CHRM2: variants seen among roughly 807,000 people sequenced by gnomAD.
The protein encoded by CHRM2 is cholinergic receptor muscarinic 2.
Under a neutral mutation model 25.0 loss-of-function variants are expected in CHRM2, and 8 were observed. That is an observed-to-expected ratio of 0.32 (90% confidence interval 0.19 to 0.58). The LOEUF (loss-of-function observed/expected upper bound fraction) is 0.58, where lower values mean the gene tolerates loss of function less well. Ranked by LOEUF, CHRM2 falls within the 20% of genes least tolerant of loss-of-function variation. The probability of loss-of-function intolerance (pLI) is 0.88; values close to 1 mark genes in which losing one functional copy is unlikely to be tolerated. For missense variants in CHRM2, 440 were observed against 567.1 expected, an observed-to-expected ratio of 0.78 and a Z score of 2.28; for synonymous variants, 202 against 205.7, an observed-to-expected ratio of 0.98 and a Z score of 0.15.
At chr7:136,908,038 C>T (rs1010633949) in intron 2 of CHRM2, 1 of 151,878 alleles carries the variant, frequency 6.6e-6, no homozygotes, top group Non-Finnish European at 1.5e-5. Flanking sequence ...GTATGACTAT[C>T]AATTTATTGA....
intron 3 of CHRM2, among the ~76,000 whole-genome samples, chr7:136,997,067 C>A (rs182023355): frequency 3.0e-4 from 46 of 152,280 alleles, no homozygotes; most frequent in Non-Finnish European, 5.3e-4. Context: ...CCAAGGACTA[C>A]CAGCTGTACA....
chr7:136,949,609 T>C (rs1005997096), intron 2 of CHRM2, among the ~76,000 whole-genome samples: 14 of 152,016 alleles, frequency 9.2e-5, no homozygotes, highest in African/African-American at 1.7e-4. Flanking sequence ...GCCTGGGTGA[T>C]AGAACAAGAT....
intron 2 of CHRM2, among the ~76,000 whole-genome samples, chr7:136,884,605 T>A (rs1267247578): frequency 6.6e-6 from 1 of 152,046 alleles, no homozygotes; most frequent in Non-Finnish European, 1.5e-5. Flanking sequence ...CATTTCATAG[T>A]CCAGAGAAAT....
intron 2 of CHRM2, among the ~76,000 whole-genome samples, chr7:136,963,241 G>T (rs751257328): frequency 1.3e-5 from 2 of 152,170 alleles, no homozygotes; most frequent in African/African-American, 4.8e-5. Context: ...TAAGACCAGG[G>T]TGCCTGAATG....
intron 2 of CHRM2, among the ~76,000 whole-genome samples, chr7:136,886,980 T>C (rs1200689265): frequency 6.6e-6 from 1 of 152,262 alleles, no homozygotes; most frequent in African/African-American, 2.4e-5. Flanking sequence ...CCACTTCATC[T>C]TTCTGTAAGA....
rs1227972027 is a variant in CHRM2, at chr7:137,016,008, G to A, written c.1143G>A (p.Arg381=). The change falls in exon 4 of 4, where the codon CGG becomes CGA. Residue 381 remains arginine (R), a synonymous_variant. Coordinates refer to ENST00000680005, the MANE Select transcript of CHRM2 (RefSeq NM_001006630.2). ...CAAAAAAGAAGCCTCCTCCTTCCCG[G>A]GAAAAGAAAGTCACCAGGACAATCT... ...QPAKKKPPPS[R]EKKVTRTILA... 6.2e-7 allele frequency: 1 copy of A among 1,613,054 alleles called. No individual in the cohort carries two copies. The highest frequency in any genetic ancestry group is 8.5e-7 in the Non-Finnish European group (1 of 1,179,416).
chr7:136,904,497 C>G (rs565258664), intron 2 of CHRM2, among the ~76,000 whole-genome samples: 13 of 151,756 alleles, frequency 8.6e-5, no homozygotes, highest in Non-Finnish European at 1.3e-4. Context: ...CTTTCTTTTT[C>G]CCAATATTAA....
intron 3 of CHRM2, among the ~76,000 whole-genome samples, chr7:137,006,358 C>A (rs1804425532): frequency 6.6e-6 from 1 of 151,986 alleles, no homozygotes; most frequent in Admixed American, 6.6e-5. Context: ...GCTTTTACAC[C>A]CATTTCCCCC....
intron 3 of CHRM2, among the ~76,000 whole-genome samples, 164 bp downstream of exon 3, chr7:136,992,428 A>G (rs1250756108): frequency 6.6e-6 from 1 of 152,172 alleles, no homozygotes; most frequent in African/African-American, 2.4e-5. Flanking sequence ...TCGTGTTAGG[A>G]TATTTCTATT....
chr7:136,897,573 C>A (rs1796972294), intron 2 of CHRM2, among the ~76,000 whole-genome samples: 1 of 151,812 alleles, frequency 6.6e-6, no homozygotes, highest in South Asian at 2.1e-4. Flanking sequence ...TTATTAATTT[C>A]CCTGCTTCTT....
At chr7:136,938,688 C>CTTCTTTGG in intron 2 of CHRM2, 1 of 771,518 alleles carries the variant, frequency 1.3e-6, no homozygotes, top group Admixed American at 1.9e-5. Context: ...GCCCAGGGGC[C>CTTCTTTGG]AGAGGTGGAC....
chr7:136,889,072 A>T (rs1375632255), intron 2 of CHRM2, among the ~76,000 whole-genome samples: 2 of 147,614 alleles, frequency 1.4e-5, no homozygotes, highest in South Asian at 2.1e-4. Context: ...AAAAAAAAAA[A>T]AGTAATTACC....
In CHRM2 at chr7:137,017,480, C is replaced by T. The variant is rs1423597515; in HGVS notation, c.*1214C>T. The T allele has an allele frequency of 6.6e-6, 1 of 151,940 alleles. No homozygotes were observed. The highest frequency in any genetic ancestry group is 2.1e-4 in the South Asian group (1 of 4,824). 9.4% of individuals were successfully genotyped at this position (151,940 alleles called of 1,614,324 possible). A position where few individuals can be genotyped will look rare whatever the true frequency, so the allele number is the denominator to read the frequency against. On this transcript the variant is annotated 3_prime_UTR_variant, in exon 4 of 4. Coordinates refer to ENST00000680005, the MANE Select transcript of CHRM2 (RefSeq NM_001006630.2). Reference sequence around the variant, plus strand: ...TCCCTAGAGAATAGAACCTTCTATCCAATGCCTGCTAAAGGATGATATTCA... The same window carrying T: ...TCCCTAGAGAATAGAACCTTCTATCTAATGCCTGCTAAAGGATGATATTCA...
chr7:136,874,909 T>G (rs1393411195), intron 2 of CHRM2, among the ~76,000 whole-genome samples: 2 of 146,740 alleles, frequency 1.4e-5, no homozygotes, highest in African/African-American at 5.1e-5. Context: ...GAAAAAGAGA[T>G]GCCACCGAGA....
intron 2 of CHRM2, among the ~76,000 whole-genome samples, chr7:136,941,585 A>G (rs1554421653): frequency 6.6e-6 from 1 of 152,122 alleles, no homozygotes; most frequent in Non-Finnish European, 1.5e-5. Flanking sequence ...ATCTTTTCCT[A>G]TCCTGTTATT....
At position 136,873,249 on chromosome 7, in the gene CHRM2, G is replaced by A. The variant is rs79238925; in HGVS notation, c.-125+3831G>A. Among the ~76,000 whole-genome samples, 491 of 152,282 alleles carry A rather than the reference G, an allele frequency of 3.2e-3. 4 individuals carry two copies. The highest frequency in any genetic ancestry group is 7.0e-3 in the South Asian group (34 of 4,824). On this transcript the variant is annotated intron_variant, in intron 2 of 3. Transcript: ENST00000680005. ...CTCTCATTTAAGATAAATGGCATAA[G>A]TATACTGATTGCATATCCCACAGCT...
At chr7:136,910,830 T>TGTGTGTGTGA (rs377403672) in intron 2 of CHRM2, among the ~76,000 whole-genome samples, 108 of 149,608 alleles carry the variant, frequency 7.2e-4, no homozygotes, top group Non-Finnish European at 1.5e-4. Flanking sequence ...TGTGTGTGTG[T>TGTGTGTGTGA]GAGAGAGAGA....
intron 2 of CHRM2, among the ~76,000 whole-genome samples, chr7:136,957,209 T>C (rs562488844): frequency 1.3e-5 from 2 of 152,268 alleles, no homozygotes; most frequent in East Asian, 3.9e-4. Context: ...AGTACATCTT[T>C]TGGGGGCAGC....
chr7:136,918,503 C>T (rs941372467), intron 2 of CHRM2, among the ~76,000 whole-genome samples: 4 of 152,070 alleles, frequency 2.6e-5, no homozygotes, highest in African/African-American at 9.7e-5. Flanking sequence ...TGTTGCTACC[C>T]TCAGAATTTC....
Sources: allele counts gnomAD v4.1 joint callset (sites outside exome capture counted in the v4.1 genomes callset), GRCh38; gene constraint gnomAD v4.1.1; transcripts MANE v1.5; gene names NCBI Gene and HGNC (gene_info 2026-07-23, HGNC 2026-07-21).